KCNIP4: variants seen among roughly 807,000 people sequenced by gnomAD.
KCNIP4 encodes the protein Kv channel-interacting protein 4.
A neutral mutation model predicts 34.0 loss-of-function variants in KCNIP4; 12 were observed. That is an observed-to-expected ratio of 0.35 (90% CI 0.23 to 0.57). KCNIP4 has a LOEUF of 0.57. Among genes scored for constraint, KCNIP4 ranks in the 20% least tolerant of loss-of-function variants. KCNIP4 has a pLI of 0.83. For synonymous variants in KCNIP4, 124 were observed against 102.2 expected (o/e 1.21, Z -1.29); for missense variants, 238 against 311.7 (o/e 0.76, Z 1.78).
intron 1 of KCNIP4, among the ~76,000 whole-genome samples, chr4:21,344,066 C>A (rs754361882): frequency 6.6e-6 from 1 of 152,022 alleles, no homozygotes; most frequent in Admixed American, 6.6e-5. Flanking sequence ...ACAGAGGAGA[C>A]AAAGAACTCA....
intron 1 of KCNIP4, among the ~76,000 whole-genome samples, chr4:21,522,640 G>T (rs1031284474): frequency 2.6e-5 from 4 of 151,936 alleles, no homozygotes; most frequent in African/African-American, 9.7e-5. Flanking sequence ...TCCATCTGTA[G>T]CAAAGTGGCT....
chr4:21,429,323 A>C lies in KCNIP4; in HGVS notation c.61+519248T>G, dbSNP rs186934501. On this transcript the variant is annotated intron_variant, in intron 1 of 8. Transcript: ENST00000382152. ...ATTTCTTTTCATGACTTGATAACTCATTTTTTTTTAGCACTGAATAATATT... is the reference window on the plus strand; with the variant it reads ...ATTTCTTTTCATGACTTGATAACTCCTTTTTTTTTAGCACTGAATAATATT... 2.3e-3 allele frequency among the ~76,000 whole-genome samples: 353 copies of C among 151,006 alleles called. 1 individual carries two copies. The highest frequency in any genetic ancestry group is 3.9e-3 in the Non-Finnish European group (267 of 67,642).
chr4:21,227,545 T>C (rs1758490797), intron 1 of KCNIP4, among the ~76,000 whole-genome samples: 1 of 152,186 alleles, frequency 6.6e-6, no homozygotes, highest in Admixed American at 6.5e-5. Context: ...CTTCTCTCTT[T>C]TGTGGCATCT....
chr4:21,236,734 G>A (rs1025599932), intron 1 of KCNIP4, among the ~76,000 whole-genome samples: 1 of 152,020 alleles, frequency 6.6e-6, no homozygotes, highest in South Asian at 2.1e-4. Context: ...TTCAGGCCGG[G>A]CGCGGTGGCT....
At chr4:21,722,205 A>G (rs1714867167) in intron 1 of KCNIP4, among the ~76,000 whole-genome samples, 1 of 152,166 alleles carries the variant, frequency 6.6e-6, no homozygotes, top group Non-Finnish European at 1.5e-5. Context: ...GAAAGCTGTA[A>G]AAGTAAATCT....
At chr4:21,896,307 A>G (rs1054180633) in intron 1 of KCNIP4, among the ~76,000 whole-genome samples, 2 of 152,190 alleles carry the variant, frequency 1.3e-5, no homozygotes, top group Non-Finnish European at 2.9e-5. Context: ...ATTGTTATAC[A>G]CACCTAAAGG....
intron 1 of KCNIP4, among the ~76,000 whole-genome samples, chr4:21,528,636 C>T (rs1202136654): frequency 6.7e-6 from 1 of 148,714 alleles, no homozygotes; most frequent in Non-Finnish European, 1.5e-5. Context: ...CACTGAACTC[C>T]AGCCTGGGCG....
Position 21,026,975 on chromosome 4 carries a change from A to C in KCNIP4, c.62-144266T>G, listed in dbSNP as rs189783382. Among the ~76,000 whole-genome samples, 11 of 152,294 alleles carry C rather than the reference A, an allele frequency of 7.2e-5. No homozygotes were observed. In the East Asian group the frequency reaches 1.9e-3, roughly 27 times the overall value. ...TTGGGGGTTTTGTCTCTATTATAAA[A>C]GCATTTCTGAAGGTTTTCAGTCAGA... On this transcript the variant is annotated intron_variant, in intron 1 of 8. Transcript: ENST00000382152.
chr4:21,849,159 T>G (rs1184392625), intron 1 of KCNIP4: 1 of 152,240 alleles, frequency 6.6e-6, no homozygotes, highest in East Asian at 1.9e-4. Context: ...AATGCAATAT[T>G]TTATGACATA....
intron 1 of KCNIP4, among the ~76,000 whole-genome samples, chr4:21,100,981 A>G (rs1029379827): frequency 1.3e-5 from 2 of 152,158 alleles, no homozygotes; most frequent in African/African-American, 4.8e-5. Flanking sequence ...TTAAAATTTT[A>G]TCTATTGAGG....
intron 1 of KCNIP4, among the ~76,000 whole-genome samples, chr4:21,421,293 T>C (rs537968896): frequency 1.3e-5 from 2 of 152,156 alleles, no homozygotes; most frequent in East Asian, 3.9e-4. Context: ...AGGAAAAAAA[T>C]CAGTATGTTG....
At chr4:21,630,170 T>C (rs1056500810) in intron 1 of KCNIP4, among the ~76,000 whole-genome samples, 4 of 151,612 alleles carry the variant, frequency 2.6e-5, no homozygotes, top group East Asian at 4.0e-4. Flanking sequence ...GGCCAACATA[T>C]TTACTTTAAA....
At chr4:21,879,073 T>C (rs1232946274) in intron 1 of KCNIP4, among the ~76,000 whole-genome samples, 12 of 152,172 alleles carry the variant, frequency 7.9e-5, no homozygotes. Flanking sequence ...AGCTCTTTCT[T>C]TCATAAAATC....
chr4:20,751,855 T>C (rs1259456513), intron 4 of KCNIP4, among the ~76,000 whole-genome samples: 2 of 152,146 alleles, frequency 1.3e-5, no homozygotes, highest in Non-Finnish European at 1.5e-5. Context: ...GCAGTTCTTT[T>C]AGAAGTTACA....
intron 1 of KCNIP4, among the ~76,000 whole-genome samples, chr4:21,407,228 CT>C (rs1221495274): frequency 6.6e-6 from 1 of 151,726 alleles, no homozygotes; most frequent in African/African-American, 2.4e-5. Flanking sequence ...GCCTAGAGAA[CT>C]TTCCCCCACA....
intron 1 of KCNIP4, among the ~76,000 whole-genome samples, chr4:21,207,369 A>G (rs192431054): frequency 2.0e-5 from 3 of 152,300 alleles, no homozygotes; most frequent in Admixed American, 2.0e-4. Context: ...AATATTAGTA[A>G]TATTTTATGT....
chr4:21,281,955 A>G (rs1262504704), intron 1 of KCNIP4, among the ~76,000 whole-genome samples: 1 of 152,204 alleles, frequency 6.6e-6, no homozygotes, highest in Non-Finnish European at 1.5e-5. Context: ...CAACCCCTTC[A>G]TCCATAACCT....
intron 1 of KCNIP4, among the ~76,000 whole-genome samples, chr4:21,917,713 C>G (rs1444795866): frequency 6.6e-6 from 1 of 152,034 alleles, no homozygotes; most frequent in Non-Finnish European, 1.5e-5. Context: ...CCACCTTTTG[C>G]CAGAGAGAAT....
chr4:21,930,691 T>C (rs942663594), intron 1 of KCNIP4, among the ~76,000 whole-genome samples: 3 of 152,114 alleles, frequency 2.0e-5, no homozygotes, highest in Non-Finnish European at 4.4e-5. Context: ...TTGATAAATC[T>C]CAACACAGTT....
Sources: gnomAD v4.1 joint callset for allele counts (sites outside exome capture counted in the v4.1 genomes callset) on GRCh38, gnomAD v4.1.1 for gene constraint, MANE v1.5 for transcripts, NCBI Gene and HGNC (gene_info 2026-07-23, HGNC 2026-07-21) for gene names.